The following ENOX1 variants were observed in gnomAD, a reference collection of about 807,000 sequenced individuals.
ENOX1 encodes the protein ecto-NOX disulfide-thiol exchanger 1.
Under a neutral mutation model 82.5 loss-of-function variants are expected in ENOX1, and 42 were observed. That is an observed-to-expected ratio of 0.51 (90% confidence interval 0.40 to 0.66). The LOEUF is 0.66. Ranked by LOEUF, ENOX1 falls within the 30% of genes least tolerant of loss-of-function variation. The probability of loss-of-function intolerance (pLI) is 0.00; values close to 1 mark genes in which losing one functional copy is unlikely to be tolerated. For missense variants in ENOX1, 608 were observed against 811.6 expected, an observed-to-expected ratio of 0.75 and a Z score of 3.05; for synonymous variants, 271 against 282.2, an observed-to-expected ratio of 0.96 and a Z score of 0.40.
intron 1 of ENOX1, among the ~76,000 whole-genome samples, chr13:43,703,900 A>C (rs1220112457): frequency 6.6e-6 from 1 of 152,030 alleles, no homozygotes; most frequent in Non-Finnish European, 1.5e-5. Context: ...TTATAGCAAA[A>C]TGGTAAACTA....
intron 12 of ENOX1, among the ~76,000 whole-genome samples, chr13:43,288,166 A>G (rs1260414616): frequency 2.0e-5 from 3 of 152,242 alleles, no homozygotes; most frequent in Non-Finnish European, 2.9e-5. Context: ...TAGTTAAAGG[A>G]AGACCATGGT....
intron 2 of ENOX1, among the ~76,000 whole-genome samples, chr13:43,629,086 T>C (rs530729178): frequency 6.6e-6 from 1 of 152,164 alleles, no homozygotes; most frequent in African/African-American, 2.4e-5. Flanking sequence ...GACAAGTCGT[T>C]ACCAACCAGC....
At chr13:43,433,564 CAT>C (rs1384827452) in intron 3 of ENOX1, among the ~76,000 whole-genome samples, 2 of 152,202 alleles carry the variant, frequency 1.3e-5, no homozygotes, top group Admixed American at 6.5e-5. Flanking sequence ...AATACATACA[CAT>C]ATATGTTTAT....
chr13:43,545,259 G>T (rs1048833557), intron 2 of ENOX1: 2 of 152,202 alleles, frequency 1.3e-5, no homozygotes, highest in South Asian at 2.1e-4. Context: ...CTTCTCTAAA[G>T]GACCCCGAGG....
chr13:43,780,142 C>G (rs1280793900), intron 1 of ENOX1, among the ~76,000 whole-genome samples: 1 of 145,654 alleles, frequency 6.9e-6, no homozygotes, highest in Non-Finnish European at 1.5e-5. Context: ...GCCTGGGCGA[C>G]AGAGCGAGAC....
At chr13:43,655,191 C>T (rs978753847) in intron 2 of ENOX1, among the ~76,000 whole-genome samples, 9 of 152,200 alleles carry the variant, frequency 5.9e-5, no homozygotes, top group Non-Finnish European at 1.3e-4. Context: ...GCAAGGACTA[C>T]AGTCATAGCA....
chr13:43,484,205 C>G (rs535894876), intron 2 of ENOX1, 53 bp from the exon 3 acceptor site: 70 of 876,318 alleles, frequency 8.0e-5, no homozygotes, highest in Non-Finnish European at 8.3e-5. Flanking sequence ...ACCATTACTG[C>G]CTGTAATGGT....
chr13:43,466,233 A>G (rs2057713653), intron 3 of ENOX1, among the ~76,000 whole-genome samples: 1 of 152,162 alleles, frequency 6.6e-6, no homozygotes, highest in Admixed American at 6.5e-5. Context: ...ATGACGATTC[A>G]ATGGAAACAG....
At chr13:43,397,192 A>G (rs1349870559) in intron 5 of ENOX1, among the ~76,000 whole-genome samples, 5 of 152,240 alleles carry the variant, frequency 3.3e-5, no homozygotes, top group African/African-American at 1.2e-4. Flanking sequence ...GTTTTCCTCT[A>G]TTATTTTTCT....
intron 2 of ENOX1, among the ~76,000 whole-genome samples, chr13:43,655,590 GATC>G (rs1310715797): frequency 2.0e-5 from 3 of 152,184 alleles, no homozygotes; most frequent in African/African-American, 7.2e-5. Flanking sequence ...ATGTCATGTT[GATC>G]ATGTCACTTG....
In ENOX1 at chr13:43,343,865, A is replaced by T. The variant is rs916048869; in HGVS notation, c.1036+673T>A. ...ACACAGATAGAGTGCCCATAAAAAAAATATACGCCCTTTTTTTGAATAGAG... is the reference window on the plus strand; with the variant it reads ...ACACAGATAGAGTGCCCATAAAAAATATATACGCCCTTTTTTTGAATAGAG... On this transcript the variant is annotated intron_variant, in intron 9 of 16. Transcript: ENST00000690772. 3.3e-5 allele frequency among the ~76,000 whole-genome samples: 5 copies of T among 152,170 alleles called. No homozygotes were observed. In the East Asian group the frequency reaches 9.6e-4, roughly 29 times the overall value.
intron 11 of ENOX1, among the ~76,000 whole-genome samples, chr13:43,305,027 T>C (rs1351334096): frequency 6.6e-6 from 1 of 152,176 alleles, no homozygotes; most frequent in East Asian, 1.9e-4. Context: ...CTTGGGCTAA[T>C]GAAGGCCAAA....
intron 2 of ENOX1, among the ~76,000 whole-genome samples, chr13:43,559,384 G>A (rs1301360853): frequency 6.6e-6 from 1 of 152,082 alleles, no homozygotes; most frequent in African/African-American, 2.4e-5. Flanking sequence ...AAACTGCAAT[G>A]GAATTCAGTA....
At chr13:43,573,010 G>A (rs1424726944) in intron 2 of ENOX1, among the ~76,000 whole-genome samples, 1 of 152,134 alleles carries the variant, frequency 6.6e-6, no homozygotes, top group Non-Finnish European at 1.5e-5. Context: ...AATTTTTAGA[G>A]GCTCATAGGG....
chr13:43,762,478 A>G, intron 1 of ENOX1, among the ~76,000 whole-genome samples: 1 of 152,164 alleles, frequency 6.6e-6, no homozygotes, highest in East Asian at 1.9e-4. Flanking sequence ...TTTGAATTTA[A>G]CTCCCTACGA....
At chr13:43,678,855 G>A (rs1390281452) in intron 1 of ENOX1, among the ~76,000 whole-genome samples, 2 of 152,054 alleles carry the variant, frequency 1.3e-5, no homozygotes, top group Admixed American at 1.3e-4. Flanking sequence ...TGATAATGGT[G>A]TTTCAGTATA....
At chr13:43,498,902 C>T (rs1566385506) in intron 2 of ENOX1, among the ~76,000 whole-genome samples, 1 of 151,974 alleles carries the variant, frequency 6.6e-6, no homozygotes, top group African/African-American at 2.4e-5. Context: ...TAGTGACTTG[C>T]TTGAAACTAA....
chr13:43,456,562 C>T (rs1286740405), intron 3 of ENOX1, among the ~76,000 whole-genome samples: 1 of 151,992 alleles, frequency 6.6e-6, no homozygotes, highest in Non-Finnish European at 1.5e-5. Context: ...ATCTCCAAAC[C>T]CCTGCCTAAG....
In ENOX1 at chr13:43,321,955, G is replaced by T. The variant is rs570344144; in HGVS notation, c.1261+429C>A. Reference sequence around the variant, plus strand: ...CCAGCCTTTTAATTACAGATTAGGTGAAAGAACATTTATGGGAAAAGAAGT... The same window carrying T: ...CCAGCCTTTTAATTACAGATTAGGTTAAAGAACATTTATGGGAAAAGAAGT... On this transcript the variant is annotated intron_variant, in intron 11 of 16. Coordinates refer to ENST00000690772, the MANE Select transcript of ENOX1 (RefSeq NM_001347969.2). 3.3e-5 allele frequency among the ~76,000 whole-genome samples: 5 copies of T among 152,302 alleles called. 1 individual carries two copies. The highest frequency in any genetic ancestry group is 3.3e-4 in the Admixed American group (5 of 15,304).
Sources: allele counts gnomAD v4.1 joint callset (sites outside exome capture counted in the v4.1 genomes callset), GRCh38; gene constraint gnomAD v4.1.1; transcripts MANE v1.5; gene names NCBI Gene and HGNC (gene_info 2026-07-23, HGNC 2026-07-21).